The following SLC2A12 variants were observed in gnomAD, a reference collection of about 807,000 sequenced individuals.
SLC2A12 encodes the protein solute carrier family 2 member 12, also known as solute carrier family 2, facilitated glucose transporter member 12.
SLC2A12 carries 23 observed loss-of-function variants against 41.8 expected under a neutral mutation model. That is an observed-to-expected ratio of 0.55 (90% CI 0.40 to 0.78). The LOEUF (loss-of-function observed/expected upper bound fraction) is 0.78, where lower values mean the gene tolerates loss of function less well. Among genes scored for constraint, SLC2A12 ranks in the 30% least tolerant of loss-of-function variants. The pLI, the probability that SLC2A12 is intolerant of heterozygous loss-of-function variation, is 0.00. For missense variants in SLC2A12, 654 were observed against 745.6 expected (o/e 0.88, Z 1.43); for synonymous variants, 295 against 285.9 (o/e 1.03, Z -0.32).
At position 133,991,216 on chromosome 6, in the gene SLC2A12, A is replaced by G; in HGVS notation, c.1793T>C (p.Leu598Pro). The change falls in exon 5 of 5, where the codon CTC (leucine) becomes CCC (proline). Residue 598 changes from leucine (L) to proline (P), a missense_variant. Leu to Pro is a moderately conservative substitution (Grantham distance 98). This residue lies in a region of SLC2A12 where 134 missense variants were observed against 180.5 expected (regional missense o/e 0.74). Coordinates refer to ENST00000275230, the MANE Select transcript of SLC2A12 (RefSeq NM_145176.3). ...QPQKRKPQEQLLECNKLCGRG... is the reference protein window; with the variant it reads ...QPQKRKPQEQPLECNKLCGRG... ...ACCACACAGCTTGTTACACTCCAAG[A>G]GCTGCTCCTGGGGTTTTCTTTTTTG... is the stretch of plus-strand genomic sequence containing the variant. 1.2e-6 allele frequency: 2 copies of G among 1,614,104 alleles called. No homozygotes were observed. Among genetic ancestry groups the G allele is most frequent in the Non-Finnish European group, 8.5e-7 (1 of 1,180,012 alleles).
At chr6:134,038,565 G>A (rs897346229) in intron 1 of SLC2A12, among the ~76,000 whole-genome samples, 1 of 150,902 alleles carries the variant, frequency 6.6e-6, no homozygotes, top group Non-Finnish European at 1.5e-5. Context: ...TCACCATGTT[G>A]GCAAGGCTGA....
In SLC2A12 at chr6:133,991,320, A is replaced by G. The variant is rs553578120; in HGVS notation, c.1701-12T>C. The G allele has an allele frequency of 1.2e-6, 2 of 1,607,904 alleles. No individual in the cohort carries two copies. Among genetic ancestry groups the G allele is most frequent in the African/African-American group, 2.7e-5 (2 of 74,470 alleles). ...TTTTCACATAGTTCCTGAAAGAGAA[A>G]GAGGCACTAATGAAAATGTCATTCT... On this transcript the variant is annotated splice_polypyrimidine_tract_variant and intron_variant, in intron 4 of 4. Transcript: ENST00000275230.
Position 134,027,003 on chromosome 6 carries a change from A to G in SLC2A12, c.1444+1378T>C, listed in dbSNP as rs556872838. 2.0e-5 allele frequency among the ~76,000 whole-genome samples: 3 copies of G among 152,358 alleles called. 1 individual carries two copies. The highest frequency in any genetic ancestry group is 6.5e-5 in the Admixed American group (1 of 15,302). ...GTGGAGTTAGAGCAGGAGAGGACATATCAGCCATGTGCAAGTCTAGTTATT... is the reference window on the plus strand; with the variant it reads ...GTGGAGTTAGAGCAGGAGAGGACATGTCAGCCATGTGCAAGTCTAGTTATT... On this transcript the variant is annotated intron_variant, in intron 2 of 4. Transcript: ENST00000275230.
intron 1 of SLC2A12, among the ~76,000 whole-genome samples, chr6:134,045,122 TGTCA>T (rs1295538066): frequency 6.6e-6 from 1 of 152,246 alleles, no homozygotes; most frequent in Non-Finnish European, 1.5e-5. Context: ...TTCCAAGCAC[TGTCA>T]GTCAGCTCAG....
At chr6:134,018,801 G>A (rs1777002377) in intron 2 of SLC2A12, among the ~76,000 whole-genome samples, 1 of 151,410 alleles carries the variant, frequency 6.6e-6, no homozygotes, top group Admixed American at 6.6e-5. Context: ...GTGAAAATAA[G>A]ATGTGGATCT....
chr6:134,016,196 G>C (rs933194225), intron 2 of SLC2A12, among the ~76,000 whole-genome samples: 1 of 152,018 alleles, frequency 6.6e-6, no homozygotes, highest in Non-Finnish European at 1.5e-5. Flanking sequence ...TAGTCTTGGA[G>C]ATAGAGATAG....
chr6:134,006,732 AT>A, intron 3 of SLC2A12, 79 bp downstream of exon 3: 1 of 1,549,614 alleles, frequency 6.5e-7, no homozygotes, highest in Non-Finnish European at 8.7e-7. Flanking sequence ...CCACGAAAAA[AT>A]GGTCTTTAGG....
At chr6:134,000,731 C>A (rs1361946781) in intron 4 of SLC2A12, among the ~76,000 whole-genome samples, 1 of 152,204 alleles carries the variant, frequency 6.6e-6, no homozygotes, top group African/African-American at 2.4e-5. Flanking sequence ...GAATTTTCTG[C>A]CACTCACTTC....
chr6:134,006,447 CAATT>C (rs2114433109), intron 3 of SLC2A12, among the ~76,000 whole-genome samples: 1 of 152,060 alleles, frequency 6.6e-6, no homozygotes, highest in Admixed American at 6.6e-5. Flanking sequence ...AATTATAAGA[CAATT>C]AAAACATGAA....
intron 1 of SLC2A12, among the ~76,000 whole-genome samples, chr6:134,031,025 A>G (rs1777197969): frequency 6.6e-6 from 1 of 152,220 alleles, no homozygotes; most frequent in Admixed American, 6.5e-5. Flanking sequence ...ATGGTAGCTT[A>G]GACTTGGGTG....
intron 1 of SLC2A12, among the ~76,000 whole-genome samples, chr6:134,040,017 T>C (rs1437708035): frequency 6.6e-6 from 1 of 152,098 alleles, no homozygotes; most frequent in African/African-American, 2.4e-5. Context: ...TAAAGCCTCT[T>C]TTTTAAAAAT....
At position 134,029,621 on chromosome 6, in the gene SLC2A12, G is replaced by T; in HGVS notation, c.204C>A (p.Ile68=). The change falls in exon 2 of 5, where the codon ATC becomes ATA. Residue 68 remains isoleucine, a synonymous_variant. Coordinates refer to ENST00000275230, the MANE Select transcript of SLC2A12 (RefSeq NM_145176.3). ...GGCAGCTCAGGGCTAATAAGGTTTT[G>T]ATCTGAAGAAGAGCCCCAGAGATGA... ...LGIISGALLQ[I]KTLLALSCHE... 6.2e-7 allele frequency: 1 copy of T among 1,613,910 alleles called. No homozygotes were observed. Among genetic ancestry groups the T allele is most frequent in the Non-Finnish European group, 8.5e-7 (1 of 1,180,006 alleles).
chr6:134,044,389 A>T (rs1171483788), intron 1 of SLC2A12, among the ~76,000 whole-genome samples: 3 of 152,004 alleles, frequency 2.0e-5, no homozygotes, highest in African/African-American at 7.2e-5. Flanking sequence ...TTCGATTTTT[A>T]TTTTTTTGAT....
chr6:134,018,283 C>A (rs1181542989), intron 2 of SLC2A12, among the ~76,000 whole-genome samples: 3 of 152,112 alleles, frequency 2.0e-5, no homozygotes, highest in African/African-American at 7.2e-5. Context: ...GAACTAGGGG[C>A]ACTTTATACA....
rs770765749 is a variant in SLC2A12 at position 134,029,299 on chromosome 6, C to T, written c.526G>A (p.Val176Ile). ...ATATAGGCAGAAAGAATGCCGATGA[C>T]AATCATCAGCTCATTCAGTGACACA... ...LLVSLNELMI[V>I]IGILSAYISN... The change falls in exon 2 of 5, where the codon GTC becomes ATC. Residue 176 changes from valine to isoleucine, a missense_variant. Val to Ile is a conservative substitution (Grantham distance 29, BLOSUM62 3). Coordinates refer to ENST00000275230, the MANE Select transcript of SLC2A12 (RefSeq NM_145176.3). 2 of 1,614,164 alleles carry T rather than the reference C, an allele frequency of 1.2e-6. No individual in the cohort carries two copies. Among genetic ancestry groups the T allele is most frequent in the Non-Finnish European group, 1.7e-6 (2 of 1,180,016 alleles).
chr6:134,043,348 G>A (rs1289204429), intron 1 of SLC2A12, among the ~76,000 whole-genome samples: 1 of 151,958 alleles, frequency 6.6e-6, no homozygotes, highest in Admixed American at 6.6e-5. Flanking sequence ...GAGGAAGGAG[G>A]CATGTGGATT....
intron 1 of SLC2A12, among the ~76,000 whole-genome samples, chr6:134,039,945 G>A (rs1202999740): frequency 2.0e-5 from 3 of 152,022 alleles, no homozygotes; most frequent in East Asian, 3.9e-4. Flanking sequence ...GAGGCTTCTC[G>A]AGGCCTCCCC....
chr6:134,002,787 A>G (rs976741537), intron 3 of SLC2A12, among the ~76,000 whole-genome samples: 2 of 152,232 alleles, frequency 1.3e-5, no homozygotes, highest in African/African-American at 4.8e-5. Context: ...AGTAAAAGCC[A>G]TCAACTTGCC....
chr6:134,044,433 C>T (rs778122646), intron 1 of SLC2A12, among the ~76,000 whole-genome samples: 4 of 152,078 alleles, frequency 2.6e-5, no homozygotes, highest in Non-Finnish European at 5.9e-5. Flanking sequence ...GAATAAAGGC[C>T]TGGGCACAGT....
Sources: allele counts gnomAD v4.1 joint callset (sites outside exome capture counted in the v4.1 genomes callset), GRCh38; gene constraint gnomAD v4.1.1; regional missense constraint gnomAD v4.1.1; transcripts MANE v1.5; gene names NCBI Gene and HGNC (gene_info 2026-07-23, HGNC 2026-07-21).